The following ADCY7 variants were observed in gnomAD, a reference collection of about 807,000 sequenced individuals.
ADCY7 encodes the protein adenylate cyclase 7.
ADCY7 carries 72 observed loss-of-function variants against 120.6 expected under a neutral mutation model. The observed-to-expected ratio is 0.60, with a 90% CI of 0.49 to 0.73. The LOEUF (loss-of-function observed/expected upper bound fraction) is 0.73. ADCY7 is among the 30% of genes least tolerant of loss of function. ADCY7 has a pLI of 0.00. For synonymous variants in ADCY7, 661 were observed against 628.0 expected (o/e 1.05, Z -0.78); for missense variants, 1,227 against 1,486.0 (o/e 0.83, Z 2.87).
chr16:50,283,365 G>T (rs2034393051), intron 1 of ADCY7, among the ~76,000 whole-genome samples: 1 of 152,216 alleles, frequency 6.6e-6, no homozygotes, highest in Non-Finnish European at 1.5e-5. Context: ...GTTTCAGGTG[G>T]GCTCTCTCCT....
upstream of ADCY7, among the ~76,000 whole-genome samples, chr16:50,263,420 A>G (rs905536976): frequency 5.9e-5 from 9 of 152,064 alleles, no homozygotes; most frequent in African/African-American, 1.9e-4. Context: ...TCCAAGGAGA[A>G]AGCTGGGCGG....
At chr16:50,274,106 A>T (rs377149843) in intron 1 of ADCY7, 1 of 152,330 alleles carries the variant, frequency 6.6e-6, no homozygotes, top group East Asian at 1.9e-4. Flanking sequence ...CTGGAGATGA[A>T]AGGGTGGGGC....
Position 50,293,212 on chromosome 16 carries a change from A to G in ADCY7, c.688-142A>G, listed in dbSNP as rs1209255629. On this transcript the variant is annotated intron_variant, in intron 5 of 25. Coordinates refer to ENST00000673801, the MANE Select transcript of ADCY7 (RefSeq NM_001114.5). ...GGAGGACAAGAGCAGAGATGGGGAC[A>G]TTGTGGGCAGGGCAGGCAGGCAGGG... The G allele has an allele frequency of 6.5e-6, 6 of 927,986 alleles. No homozygotes were observed. In the East Asian group the frequency reaches 1.0e-4, roughly 16 times the overall value. 57.5% of individuals were successfully genotyped at this position (927,986 alleles called of 1,614,324 possible).
At chr16:50,305,394 C>T in intron 12 of ADCY7, 109 bp from the exon 13 acceptor site, 2 of 957,480 alleles carry the variant, frequency 2.1e-6, no homozygotes, top group South Asian at 2.9e-5. Context: ...CATTCCTTCA[C>T]CATCCCACCT....
chr16:50,292,264 G>A (rs2035035702), intron 4 of ADCY7, among the ~76,000 whole-genome samples: 1 of 152,250 alleles, frequency 6.6e-6, no homozygotes, highest in South Asian at 2.1e-4. Flanking sequence ...TTGTGTCTTT[G>A]TGTTGAATGA....
intron 19 of ADCY7, 69 bp from the exon 20 acceptor site, chr16:50,311,624 T>C: frequency 8.8e-7 from 1 of 1,134,408 alleles, no homozygotes; most frequent in Non-Finnish European, 1.3e-6. Context: ...GCGTGGCACC[T>C]GGAGAGCATG....
chr16:50,258,263 G>T (rs370916657), intron 1 of ADCY7, among the ~76,000 whole-genome samples: 1 of 152,068 alleles, frequency 6.6e-6, no homozygotes, highest in African/African-American at 2.4e-5. Context: ...ATCAGGATCC[G>T]AATGAGGTCT....
Position 50,308,363 on chromosome 16 carries a change from C to T in ADCY7, c.1887C>T (p.Ala629=). 1 of 1,614,152 alleles carries T rather than the reference C, an allele frequency of 6.2e-7. No homozygotes were observed. Among genetic ancestry groups the T allele is most frequent in the African/African-American group, 1.3e-5 (1 of 75,030 alleles). The change falls in exon 16 of 26, where the codon GCC becomes GCT. Residue 629 remains alanine (A), a synonymous_variant. Transcript: ENST00000673801. Reference sequence around the variant, plus strand: ...TGGGTGTGTCCTTCGGGCTGGTGGCCTGTGTACTGGGGCTGGTGCTGGGCC... The same window carrying T: ...TGGGTGTGTCCTTCGGGCTGGTGGCTTGTGTACTGGGGCTGGTGCTGGGCC... The part of the protein sequence containing the change: ...AALGVSFGLV[A]CVLGLVLGLC...
Position 50,301,150 on chromosome 16 carries a change from G to T in ADCY7, c.1304G>T (p.Gly435Val), listed in dbSNP as rs763373144. The change falls in exon 10 of 26, where the codon GGG becomes GTG. Residue 435 changes from glycine (G) to valine (V), a missense_variant. This residue lies in a region of ADCY7 where 332 missense variants were observed against 455.8 expected (regional missense o/e 0.73). Transcript: ENST00000673801. ...GCGTACGAGGTGGAGGATGGGCACG[G>T]GCAGCAGCGGGACCCCTACCTCAAG... ...DKAYEVEDGH[G>V]QQRDPYLKEM... 4 of 1,613,570 alleles carry T rather than the reference G, an allele frequency of 2.5e-6. No homozygotes were observed. In the South Asian group the frequency reaches 4.4e-5, roughly 18 times the overall value.
chr16:50,292,356 G>T (rs1029919216), intron 4 of ADCY7, among the ~76,000 whole-genome samples: 3 of 152,220 alleles, frequency 2.0e-5, no homozygotes, highest in Non-Finnish European at 4.4e-5. Flanking sequence ...CCAGGCAGAG[G>T]CTGGCCCTCC....
intron 1 of ADCY7, among the ~76,000 whole-genome samples, chr16:50,284,515 C>A (rs943719988): frequency 6.6e-6 from 1 of 152,244 alleles, no homozygotes; most frequent in Non-Finnish European, 1.5e-5. Context: ...TGTCTGGCCG[C>A]CTCAGCTCTG....
At chr16:50,307,592 A>G (rs4785211) in intron 15 of ADCY7, among the ~76,000 whole-genome samples, 51,229 of 151,906 alleles carry the variant, frequency 0.34, 9,834 homozygotes, top group African/African-American at 0.53. Flanking sequence ...TATAGGGATG[A>G]GGGTGAAGTC....
At position 50,316,266 on chromosome 16, in the gene ADCY7, G is replaced by A. The variant is rs769867359; in HGVS notation, c.*761G>A. The A allele has an allele frequency of 7.2e-5, 11 of 152,390 alleles. No homozygotes were observed. Among genetic ancestry groups the A allele is most frequent in the Admixed American group, 3.9e-4 (6 of 15,276 alleles). The allele number at this position is 152,390 out of a possible 1,614,324, so 9.4% of individuals were successfully genotyped here. On this transcript the variant is annotated 3_prime_UTR_variant, in exon 26 of 26. Coordinates refer to ENST00000673801, the MANE Select transcript of ADCY7 (RefSeq NM_001114.5). Reference sequence around the variant, plus strand: ...ATGGGGTCAGCTGGCTGTGGGGATAGAGTCCTGAGGAATGTGGTCACAGCA... The same window carrying A: ...ATGGGGTCAGCTGGCTGTGGGGATAAAGTCCTGAGGAATGTGGTCACAGCA...
At chr16:50,250,251 T>A (rs1165837259) in intron 1 of ADCY7, among the ~76,000 whole-genome samples, 1 of 151,806 alleles carries the variant, frequency 6.6e-6, no homozygotes, top group Non-Finnish European at 1.5e-5. Context: ...AGCTCAGGAG[T>A]TCGTGACCAG....
intron 1 of ADCY7, among the ~76,000 whole-genome samples, chr16:50,251,699 G>A (rs566095232): frequency 1.3e-5 from 2 of 152,158 alleles, no homozygotes; most frequent in Admixed American, 6.5e-5. Context: ...GCAGGGTGGC[G>A]CCTCACCCAG....
chr16:50,273,968 T>C (rs2033720120), intron 1 of ADCY7, among the ~76,000 whole-genome samples: 1 of 152,052 alleles, frequency 6.6e-6, no homozygotes, highest in South Asian at 2.1e-4. Context: ...AAGGCCAGAC[T>C]GGGAGGGGAC....
At position 50,294,389 on chromosome 16, in the gene ADCY7, TG is replaced by T. The variant is rs112641051; in HGVS notation, c.837-247del. 1.2e-4 allele frequency among the ~76,000 whole-genome samples: 18 copies of T among 152,296 alleles called. 2 individuals carry two copies. The highest frequency in any genetic ancestry group is 2.9e-4 in the African/African-American group (12 of 41,584). On this transcript the variant is annotated intron_variant, in intron 6 of 25. Transcript: ENST00000673801. The stretch of plus-strand genomic sequence containing the variant: ...TTCGGCTGTCTGCAGTGATAGGGCC[TG>T]GGGTGGGGCCGAGGGCTCCTGTAGG...
intron 1 of ADCY7, among the ~76,000 whole-genome samples, chr16:50,254,794 T>G (rs1045396682): frequency 6.6e-6 from 1 of 151,928 alleles, no homozygotes; most frequent in Non-Finnish European, 1.5e-5. Context: ...CCAAAAGCTG[T>G]GTCTCCCTGC....
At chr16:50,271,314 T>C (rs2033557608) in intron 1 of ADCY7, among the ~76,000 whole-genome samples, 1 of 152,184 alleles carries the variant, frequency 6.6e-6, no homozygotes, top group Admixed American at 6.5e-5. Context: ...TGGTCATAGC[T>C]CACAGCAGCC....
Sources: allele counts gnomAD v4.1 joint callset (sites outside exome capture counted in the v4.1 genomes callset), GRCh38; gene constraint gnomAD v4.1.1; regional missense constraint gnomAD v4.1.1; transcripts MANE v1.5; gene names NCBI Gene and HGNC (gene_info 2026-07-23, HGNC 2026-07-21).